Variants in CA13 observed in about 807,000 individuals in gnomAD.
CA13 encodes the protein CA-XIII.
In CA13, 21 loss-of-function variants were observed where a neutral mutation model predicts 31.5. That is an observed-to-expected ratio of 0.67 (90% confidence interval 0.47 to 0.96). The LOEUF (loss-of-function observed/expected upper bound fraction) is 0.96, where lower values mean the gene tolerates loss of function less well. CA13 is among the 40% of genes least tolerant of loss of function. CA13 has a pLI of 0.00. For synonymous variants in CA13, 117 were observed against 111.4 expected, an observed-to-expected ratio of 1.05 and a Z score of -0.32; for missense variants, 315 against 318.9, an observed-to-expected ratio of 0.99 and a Z score of 0.09.
chr8:85,255,414 C>T (rs919174918), intron 2 of CA13, among the ~76,000 whole-genome samples: 7 of 152,120 alleles, frequency 4.6e-5, no homozygotes, highest in Admixed American at 3.9e-4. Context: ...AGGCGCACGT[C>T]ACCATGCCCA....
intron 6 of CA13, among the ~76,000 whole-genome samples, chr8:85,280,934 A>C (rs558399816): frequency 1.3e-5 from 2 of 152,298 alleles, no homozygotes; most frequent in East Asian, 3.9e-4. Context: ...ACATTGAAAA[A>C]CATTCTCTGA....
intron 3 of CA13, among the ~76,000 whole-genome samples, chr8:85,266,213 T>C (rs940006258): frequency 6.6e-6 from 1 of 152,194 alleles, no homozygotes; most frequent in South Asian, 2.1e-4. Flanking sequence ...TTTTCTGATA[T>C]GAAGTGTCGC....
rs754380948 is a variant in CA13 at position 85,281,224 on chromosome 8, C to T, written c.670-6C>T. 11 of 1,612,356 alleles carry T rather than the reference C, an allele frequency of 6.8e-6. No individual in the cohort carries two copies. The highest frequency in any genetic ancestry group is 9.3e-6 in the Non-Finnish European group (11 of 1,178,764). On this transcript the variant is annotated splice_polypyrimidine_tract_variant and splice_region_variant and intron_variant, in intron 6 of 6. Coordinates refer to ENST00000321764, the MANE Select transcript of CA13 (RefSeq NM_198584.3). ...TGCTGAAGCTAACTCTTTTCTTCTTCTACAGCTGGCCAAATTTCGCAGTCT... is the reference window on the plus strand; with the variant it reads ...TGCTGAAGCTAACTCTTTTCTTCTTTTACAGCTGGCCAAATTTCGCAGTCT...
Position 85,281,225 on chromosome 8 carries a change from T to C in CA13, c.670-5T>C, listed in dbSNP as rs780863640. The C allele has an allele frequency of 6.2e-7, 1 of 1,612,780 alleles. No homozygotes were observed. The highest frequency in any genetic ancestry group is 8.5e-7 in the Non-Finnish European group (1 of 1,179,022). ...GCTGAAGCTAACTCTTTTCTTCTTC[T>C]ACAGCTGGCCAAATTTCGCAGTCTC... is the stretch of plus-strand genomic sequence containing the variant. On this transcript the variant is annotated splice_polypyrimidine_tract_variant and splice_region_variant and intron_variant, in intron 6 of 6. Transcript: ENST00000321764.
chr8:85,262,164 TG>T (rs1379701778), intron 3 of CA13, among the ~76,000 whole-genome samples: 88 of 1,370 alleles, frequency 0.064, no homozygotes, highest in African/African-American at 0.21. Flanking sequence ...GAGGGATGAT[TG>T]CTTCTTATTT....
chr8:85,259,042 G>A (rs1233009358), intron 2 of CA13, among the ~76,000 whole-genome samples: 1 of 152,144 alleles, frequency 6.6e-6, no homozygotes, highest in Non-Finnish European at 1.5e-5. Flanking sequence ...ATGCTGCACT[G>A]CTCTACCAAG....
intron 1 of CA13, among the ~76,000 whole-genome samples, chr8:85,247,896 T>G (rs1030314174): frequency 2.6e-5 from 3 of 117,306 alleles, no homozygotes; most frequent in African/African-American, 3.7e-5. Context: ...TTTGTTTTTT[T>G]TTTTTTTTCT....
chr8:85,269,232 G>A (rs911278128), intron 6 of CA13, among the ~76,000 whole-genome samples: 1 of 152,104 alleles, frequency 6.6e-6, no homozygotes, highest in African/African-American at 2.4e-5. Context: ...TGGGTGGATC[G>A]CTTGAGCCCT....
intron 6 of CA13, 78 bp downstream of exon 6, chr8:85,268,705 C>G: frequency 8.2e-7 from 1 of 1,223,528 alleles, no homozygotes; most frequent in Non-Finnish European, 1.1e-6. Context: ...CAACCCTGCC[C>G]TTAATTTCTA....
chr8:85,274,578 A>T (rs1564004922), intron 6 of CA13, among the ~76,000 whole-genome samples: 1 of 152,194 alleles, frequency 6.6e-6, no homozygotes, highest in Non-Finnish European at 1.5e-5. Flanking sequence ...AGCGATATTA[A>T]ACTTACCATA....
At chr8:85,277,256 C>A (rs916067082) in intron 6 of CA13, among the ~76,000 whole-genome samples, 1 of 152,156 alleles carries the variant, frequency 6.6e-6, no homozygotes, top group South Asian at 2.1e-4. Flanking sequence ...CTGCAACACT[C>A]ACTGCAAAGG....
intron 6 of CA13, among the ~76,000 whole-genome samples, chr8:85,277,831 C>T (rs73688701): frequency 6.6e-6 from 1 of 152,254 alleles, no homozygotes; most frequent in African/African-American, 2.4e-5. Context: ...AGTACCTGGA[C>T]GGCCTCCCTC....
chr8:85,253,447 T>C (rs1034975544), intron 2 of CA13, among the ~76,000 whole-genome samples: 3 of 151,518 alleles, frequency 2.0e-5, no homozygotes, highest in Non-Finnish European at 4.4e-5. Flanking sequence ...GTATTTTTCA[T>C]AGAGAAAAGG....
chr8:85,250,803 T>A lies in CA13; in HGVS notation c.101T>A (p.Ile34Asn). ...GGTGATCAGCAATCTCCAATTGAGATTAAAACCAAAGAAGTGAAATATGAC... is the reference window on the plus strand; with the variant it reads ...GGTGATCAGCAATCTCCAATTGAGAATAAAACCAAAGAAGTGAAATATGAC... ...ADGDQQSPIE[I>N]KTKEVKYDSS... Residue 34 changes from isoleucine (I) to asparagine (N), a missense_variant, in exon 2 of 7, where the codon ATT becomes AAT. Transcript: ENST00000321764. 6.2e-7 allele frequency: 1 copy of A among 1,614,052 alleles called. No individual in the cohort carries two copies. The highest frequency in any genetic ancestry group is 1.6e-4 in the Middle Eastern group (1 of 6,062).
chr8:85,277,454 C>T (rs2130011068), intron 6 of CA13, among the ~76,000 whole-genome samples: 1 of 152,250 alleles, frequency 6.6e-6, no homozygotes, highest in South Asian at 2.1e-4. Context: ...TCAGAAGGAA[C>T]AAACTCCGGA....
In CA13 at chr8:85,275,677, A is replaced by G. The variant is rs979656782; in HGVS notation, c.670-5553A>G. ...TTGAGTTTTTACTCCCCATTGTCCA[A>G]TTGTGGTGAAGCAAAGCCACTGCTT... On this transcript the variant is annotated intron_variant, in intron 6 of 6. Transcript: ENST00000321764. 3.3e-5 allele frequency among the ~76,000 whole-genome samples: 5 copies of G among 152,122 alleles called. No individual in the cohort carries two copies. In the East Asian group the frequency reaches 5.8e-4, roughly 18 times the overall value.
At chr8:85,268,426 A>C in intron 5 of CA13, 46 bp from the exon 6 acceptor site, 8 of 1,583,348 alleles carry the variant, frequency 5.1e-6, no homozygotes, top group African/African-American at 1.3e-5. Flanking sequence ...AGGTCTATGT[A>C]GAGCTATCCC....
Position 85,281,358 on chromosome 8 carries a change from A to G in CA13, c.*9A>G, listed in dbSNP as rs763701572. 6.2e-7 allele frequency: 1 copy of G among 1,613,420 alleles called. No individual in the cohort carries two copies. Among genetic ancestry groups the G allele is most frequent in the African/African-American group, 1.3e-5 (1 of 74,992 alleles). ...GAGCCTCTTTCCATTAAAAATTGTC[A>G]CCAATGAACTCCCCCAAACATGGCT... On this transcript the variant is annotated 3_prime_UTR_variant, in exon 7 of 7. Coordinates refer to ENST00000321764, the MANE Select transcript of CA13 (RefSeq NM_198584.3).
chr8:85,256,728 AC>A (rs1807302297), intron 2 of CA13, among the ~76,000 whole-genome samples: 1 of 152,218 alleles, frequency 6.6e-6, no homozygotes, highest in African/African-American at 2.4e-5. Flanking sequence ...CCTTCACTAG[AC>A]TAAGTTTCTT....
Sources: gnomAD v4.1 joint callset for allele counts (sites outside exome capture counted in the v4.1 genomes callset) on GRCh38, gnomAD v4.1.1 for gene constraint, MANE v1.5 for transcripts, NCBI Gene and HGNC (gene_info 2026-07-23, HGNC 2026-07-21) for gene names.